MAP3K7: variants seen among roughly 807,000 people sequenced by gnomAD.
The protein encoded by MAP3K7 is mitogen-activated protein kinase kinase kinase 7.
Under a neutral mutation model 84.8 loss-of-function variants are expected in MAP3K7, and 21 were observed. The ratio of observed to expected loss-of-function variants is 0.25; its 90% CI spans 0.18 to 0.36. MAP3K7 has a LOEUF of 0.36. MAP3K7 is among the 10% of genes least tolerant of loss of function. The pLI, the probability that MAP3K7 is intolerant of heterozygous loss-of-function variation, is 1.00. For synonymous variants in MAP3K7, 241 were observed against 247.7 expected (o/e 0.97, Z 0.25); for missense variants, 503 against 747.7 (o/e 0.67, Z 3.82).
chr6:90,569,930 T>C (rs773023000), intron 2 of MAP3K7, among the ~76,000 whole-genome samples: 3 of 152,188 alleles, frequency 2.0e-5, no homozygotes, highest in Non-Finnish European at 4.4e-5. Context: ...TACACTAATG[T>C]CTCTAAACCT....
At chr6:90,556,713 AG>A in intron 5 of MAP3K7, 89 bp from the exon 6 acceptor site, 9 of 1,325,264 alleles carry the variant, frequency 6.8e-6, no homozygotes, top group Middle Eastern at 1.9e-4. Flanking sequence ...GAAATGGAAA[AG>A]GTTAAGCAAA....
intron 3 of MAP3K7, among the ~76,000 whole-genome samples, chr6:90,567,511 G>A (rs1346664620): frequency 1.3e-5 from 2 of 152,184 alleles, no homozygotes; most frequent in Non-Finnish European, 2.9e-5. Context: ...AAACCACAAT[G>A]AGATACCATC....
chr6:90,544,334 T>A (rs1775937564), intron 12 of MAP3K7, among the ~76,000 whole-genome samples: 1 of 152,138 alleles, frequency 6.6e-6, no homozygotes, highest in African/African-American at 2.4e-5. Context: ...AAAGGTTTAC[T>A]TTCTCTTCTA....
At chr6:90,555,027 G>T (rs1378873404) in intron 6 of MAP3K7, among the ~76,000 whole-genome samples, 25 of 152,152 alleles carry the variant, frequency 1.6e-4, no homozygotes, top group Admixed American at 1.6e-3. Flanking sequence ...TTAACTGAAT[G>T]TATCTGAATT....
Position 90,516,376 on chromosome 6 carries a change from T to C in MAP3K7, c.*125A>G. On this transcript the variant is annotated 3_prime_UTR_variant, in exon 17 of 17. Transcript: ENST00000369329. The stretch of plus-strand genomic sequence containing the variant: ...TAAACAATGAAAAAAATGCAGCAAA[T>C]ATAGGCAGTTGGCATTCAGAACACG... 3 of 897,938 alleles carry C rather than the reference T, an allele frequency of 3.3e-6. No homozygotes were observed. The highest frequency in any genetic ancestry group is 5.3e-6 in the Non-Finnish European group (3 of 568,224). The allele number at this position is 897,938 out of a possible 1,614,324, so 55.6% of individuals were successfully genotyped here.
intron 1 of MAP3K7, among the ~76,000 whole-genome samples, chr6:90,579,152 A>G (rs564676359): frequency 6.6e-6 from 1 of 152,332 alleles, no homozygotes; most frequent in South Asian, 2.1e-4. Flanking sequence ...TGCTACTCAA[A>G]GGCAGCAAGT....
At chr6:90,582,433 T>C (rs1204786576) in intron 1 of MAP3K7, among the ~76,000 whole-genome samples, 1 of 152,178 alleles carries the variant, frequency 6.6e-6, no homozygotes, top group Non-Finnish European at 1.5e-5. Flanking sequence ...GCGCCTTACA[T>C]TTTGCTGAAG....
At chr6:90,544,283 G>A (rs947096433) in intron 12 of MAP3K7, among the ~76,000 whole-genome samples, 4 of 152,070 alleles carry the variant, frequency 2.6e-5, no homozygotes, top group Admixed American at 1.3e-4. Flanking sequence ...AAGTAGAGAG[G>A]AAGTTGGTAG....
rs575585234 is a variant in MAP3K7 at position 90,586,884 on chromosome 6, G to A, written c.-1C>T. ...AGGAGGCGGCAGAGGCTGTAGACAT[G>A]ATCCCTCGCGGCGCCCGGTGGGGCC... On this transcript the variant is annotated 5_prime_UTR_variant, in exon 1 of 17. Coordinates refer to ENST00000369329, the MANE Select transcript of MAP3K7 (RefSeq NM_145331.3). The A allele has an allele frequency of 6.2e-7, 1 of 1,604,010 alleles. No homozygotes were observed. The highest frequency in any genetic ancestry group is 1.1e-5 in the South Asian group (1 of 90,710).
chr6:90,523,503 C>CT (rs1480235505), intron 14 of MAP3K7, among the ~76,000 whole-genome samples, 175 bp downstream of exon 14: 1 of 152,096 alleles, frequency 6.6e-6, no homozygotes, highest in Non-Finnish European at 1.5e-5. Flanking sequence ...AAGGCAGTCT[C>CT]TGTCTCTGTA....
chr6:90,564,588 C>T (rs966815322), intron 3 of MAP3K7, among the ~76,000 whole-genome samples: 1 of 152,234 alleles, frequency 6.6e-6, no homozygotes, highest in East Asian at 1.9e-4. Flanking sequence ...TAGAGACCTA[C>T]AAAGAGACTT....
chr6:90,518,366 C>G lies in MAP3K7; in HGVS notation c.1640+81G>C. On this transcript the variant is annotated intron_variant, in intron 16 of 16. Coordinates refer to ENST00000369329, the MANE Select transcript of MAP3K7 (RefSeq NM_145331.3). ...TATACTTAATGACTAATTCTAAAAA[C>G]TACGTTTTCATTGCACCTTATCATA... is the stretch of plus-strand genomic sequence containing the variant. The G allele has an allele frequency of 4.0e-6, 3 of 753,994 alleles. No homozygotes were observed. In the South Asian group the frequency reaches 5.5e-5, roughly 14 times the overall value. 46.7% of individuals were successfully genotyped at this position (753,994 alleles called of 1,614,324 possible).
intron 4 of MAP3K7, 58 bp from the exon 5 acceptor site, chr6:90,560,272 T>G: frequency 6.3e-7 from 1 of 1,576,558 alleles, no homozygotes; most frequent in Non-Finnish European, 8.7e-7. Flanking sequence ...AAAGACACAA[T>G]GTGAATGCAA....
At position 90,516,405 on chromosome 6, in the gene MAP3K7, A is replaced by T; in HGVS notation, c.*96T>A. The T allele has an allele frequency of 7.5e-7, 1 of 1,324,986 alleles. No individual in the cohort carries two copies. The highest frequency in any genetic ancestry group is 1.3e-5 in the South Asian group (1 of 77,570). The allele number at this position is 1,324,986 out of a possible 1,614,324, so 82.1% of individuals were successfully genotyped here. On this transcript the variant is annotated 3_prime_UTR_variant, in exon 17 of 17. Coordinates refer to ENST00000369329, the MANE Select transcript of MAP3K7 (RefSeq NM_145331.3). ...GGCAGTTGGCATTCAGAACACGCCA[A>T]AAAGCTAACACTCATGAATCGTCAT...
Position 90,548,037 on chromosome 6 carries a change from C to T in MAP3K7, c.1080+10G>A, listed in dbSNP as rs754267531. Reference sequence around the variant, plus strand: ...AGGTTACCAGTTTTACTTGTAATAACATAACAAACCTGTTGCTTTGCCTGA... The same window carrying T: ...AGGTTACCAGTTTTACTTGTAATAATATAACAAACCTGTTGCTTTGCCTGA... On this transcript the variant is annotated intron_variant, in intron 10 of 16. Transcript: ENST00000369329. 2.5e-6 allele frequency: 4 copies of T among 1,605,566 alleles called. No homozygotes were observed. The highest frequency in any genetic ancestry group is 2.5e-6 in the Non-Finnish European group (3 of 1,176,546).
In MAP3K7 at chr6:90,587,042, G is replaced by A; in HGVS notation, c.-159C>T. ...GGGTAGAGGCAGCGGCCACAGCCGT[G>A]TCCGGCTCTGGCTCCGCTGCGTTTT... On this transcript the variant is annotated 5_prime_UTR_variant, in exon 1 of 17. Coordinates refer to ENST00000369329, the MANE Select transcript of MAP3K7 (RefSeq NM_145331.3). 1.2e-6 allele frequency: 1 copy of A among 830,462 alleles called. No homozygotes were observed. Among genetic ancestry groups the A allele is most frequent in the African/African-American group, 1.8e-5 (1 of 55,124 alleles). The allele number at this position is 830,462 out of a possible 1,614,324, so 51.4% of individuals were successfully genotyped here.
intron 13 of MAP3K7, among the ~76,000 whole-genome samples, chr6:90,533,101 C>T (rs536797968): frequency 5.4e-4 from 83 of 152,324 alleles, no homozygotes; most frequent in African/African-American, 1.8e-3. Flanking sequence ...ACCAACTTCA[C>T]AGGACTAAGA....
intron 13 of MAP3K7, among the ~76,000 whole-genome samples, chr6:90,525,678 C>T (rs766475591): frequency 4.7e-4 from 71 of 152,004 alleles, no homozygotes; most frequent in Non-Finnish European, 8.7e-4. Flanking sequence ...AGCGATCCTT[C>T]CATCTCAGCC....
chr6:90,545,952 G>A (rs1324404989), intron 11 of MAP3K7, among the ~76,000 whole-genome samples: 2 of 152,036 alleles, frequency 1.3e-5, no homozygotes, highest in Non-Finnish European at 2.9e-5. Context: ...CTATTGCCTG[G>A]AATGTAGAAG....
Sources: gnomAD v4.1 joint callset for allele counts (sites outside exome capture counted in the v4.1 genomes callset) on GRCh38, gnomAD v4.1.1 for gene constraint, MANE v1.5 for transcripts, NCBI Gene and HGNC (gene_info 2026-07-23, HGNC 2026-07-21) for gene names.